The following BMP8B variants were observed in gnomAD, a reference collection of about 807,000 sequenced individuals.
BMP8B encodes the protein bone morphogenetic protein 8b, also known as bone morphogenetic protein 8 (osteogenic protein 2).
A neutral mutation model predicts 30.3 loss-of-function variants in BMP8B; 17 were observed. The ratio of observed to expected loss-of-function variants is 0.56; its 90% CI spans 0.38 to 0.84. The LOEUF (loss-of-function observed/expected upper bound fraction) is 0.84. Ranked by LOEUF, BMP8B falls within the 40% of genes least tolerant of loss-of-function variation. The pLI is 0.00. For synonymous variants in BMP8B, 131 were observed against 214.7 expected, an observed-to-expected ratio of 0.61 and a Z score of 3.41; for missense variants, 253 against 494.6, an observed-to-expected ratio of 0.51 and a Z score of 4.63.
chr1:39,779,085 A>G (rs970700873), intron 1 of BMP8B, among the ~76,000 whole-genome samples: 1 of 152,178 alleles, frequency 6.6e-6, no homozygotes, highest in Non-Finnish European at 1.5e-5. Context: ...CCAGTGTGAA[A>G]TGAGTGGCCC....
At chr1:39,762,535 G>C in intron 6 of BMP8B, 1 of 1,550,264 alleles carries the variant, frequency 6.5e-7, no homozygotes, top group Non-Finnish European at 8.7e-7. Context: ...AGATACCAAG[G>C]CATCAAAAGC....
In BMP8B at chr1:39,760,635, C is replaced by G. The variant is rs562256939; in HGVS notation, c.1060-67G>C. 5 of 1,546,422 alleles carry G rather than the reference C, an allele frequency of 3.2e-6. No individual in the cohort carries two copies. The East Asian group carries it at 9.4e-5, about 29-fold the overall frequency. ...GCCTCCTCCAAGGACCCACCCAGCCCCACCCCAGCTCCACCTGCTCCCTGC... is the reference window on the plus strand; with the variant it reads ...GCCTCCTCCAAGGACCCACCCAGCCGCACCCCAGCTCCACCTGCTCCCTGC... On this transcript the variant is annotated intron_variant, in intron 6 of 6. Coordinates refer to ENST00000372827, the MANE Select transcript of BMP8B (RefSeq NM_001720.5).
chr1:39,760,715 G>C, intron 6 of BMP8B, 147 bp from the exon 7 acceptor site: 2 of 1,166,544 alleles, frequency 1.7e-6, no homozygotes, highest in South Asian at 3.2e-5. Flanking sequence ...CTATTAACAG[G>C]AATAAGAGCA....
chr1:39,763,091 C>G lies in BMP8B; in HGVS notation c.1059+1G>C. 2 of 1,613,706 alleles carry G rather than the reference C, an allele frequency of 1.2e-6. No individual in the cohort carries two copies. Among genetic ancestry groups the G allele is most frequent in the Non-Finnish European group, 1.7e-6 (2 of 1,179,618 alleles). On this transcript the variant is annotated splice_donor_variant, in intron 6 of 6. Transcript: ENST00000372827. LOFTEE classifies it high-confidence loss of function. Reference sequence around the variant, plus strand: ...CTGGGCAGGATGGGCATGGTACTGACCAGGGACTGCAGGATGGCGTGGTTG... The same window carrying G: ...CTGGGCAGGATGGGCATGGTACTGAGCAGGGACTGCAGGATGGCGTGGTTG...
At chr1:39,775,861 G>C (rs1157299345) in intron 1 of BMP8B, among the ~76,000 whole-genome samples, 2 of 152,112 alleles carry the variant, frequency 1.3e-5, no homozygotes, top group Non-Finnish European at 2.9e-5. Flanking sequence ...CTGGGTGATG[G>C]GATCTGAGCA....
chr1:39,788,152 C>T lies in BMP8B; in HGVS notation c.334G>A (p.Val112Met). 6.4e-7 allele frequency: 1 copy of T among 1,569,956 alleles called. No homozygotes were observed. Among genetic ancestry groups the T allele is most frequent in the African/African-American group, 1.4e-5 (1 of 71,886 alleles). Residue 112 changes from valine to methionine, a missense_variant and splice_region_variant, in exon 1 of 7, where the codon GTG becomes ATG. Val to Met is a conservative substitution (Grantham distance 21). Around this residue, in one of 7 missense-constraint regions of BMP8B, gnomAD observed 52 missense variants for 68.3 expected, o/e 0.76. Coordinates refer to ENST00000372827, the MANE Select transcript of BMP8B (RefSeq NM_001720.5). The surrounding 1 kb of genome is among the most constrained non-coding windows in gnomAD (Gnocchi z 5.8). The stretch of plus-strand genomic sequence containing the variant: ...TCCCCGCGCGGGCGGCCGCACTCAC[C>T]CATGTTAACGAAGCTCATGACCAGG... The part of the protein sequence containing the change: ...ADLVMSFVNM[V>M]ERDRALGHQE...
intron 1 of BMP8B, among the ~76,000 whole-genome samples, chr1:39,780,784 T>A (rs912502115): frequency 2.0e-5 from 3 of 152,210 alleles, no homozygotes; most frequent in Admixed American, 6.5e-5. Flanking sequence ...ACTTCCCAGC[T>A]ACTTGGGAGG....
At position 39,786,943 on chromosome 1, in the gene BMP8B, C is replaced by T. The variant is rs1157009423; in HGVS notation, c.334+1209G>A. Among the ~76,000 whole-genome samples, 5 of 152,326 alleles carry T rather than the reference C, an allele frequency of 3.3e-5. No homozygotes were observed. In the South Asian group the frequency reaches 6.2e-4, roughly 19 times the overall value. On this transcript the variant is annotated intron_variant, in intron 1 of 6. Coordinates refer to ENST00000372827, the MANE Select transcript of BMP8B (RefSeq NM_001720.5). Reference sequence around the variant, plus strand: ...GCTGATGGCCCCACAAAACCTGCTGCGGCTCAGTCCCCTGTTTTCCTCAGC... The same window carrying T: ...GCTGATGGCCCCACAAAACCTGCTGTGGCTCAGTCCCCTGTTTTCCTCAGC...
intron 1 of BMP8B, among the ~76,000 whole-genome samples, chr1:39,786,398 C>T (rs1650981614): frequency 6.6e-6 from 1 of 152,196 alleles, no homozygotes; most frequent in Non-Finnish European, 1.5e-5. Flanking sequence ...CTCTACCAAT[C>T]ACACAACAAC....
intron 3 of BMP8B, among the ~76,000 whole-genome samples, chr1:39,769,250 C>T (rs1032525795): frequency 6.6e-6 from 1 of 150,892 alleles, no homozygotes; most frequent in Non-Finnish European, 1.5e-5. Flanking sequence ...AGCATGTCTT[C>T]CAATCACAAA....
chr1:39,766,046 A>C (rs1485764364), intron 3 of BMP8B, among the ~76,000 whole-genome samples: 1 of 151,936 alleles, frequency 6.6e-6, no homozygotes, highest in African/African-American at 2.4e-5. Flanking sequence ...GAAAAAAAAA[A>C]CAAAACACAA....
chr1:39,782,950 T>G (rs1650750362), intron 1 of BMP8B, among the ~76,000 whole-genome samples: 1 of 151,920 alleles, frequency 6.6e-6, no homozygotes, highest in African/African-American at 2.4e-5. Flanking sequence ...CGCGCCACCA[T>G]GCCTGGCTAA....
intron 1 of BMP8B, among the ~76,000 whole-genome samples, chr1:39,778,758 T>A (rs1650410301): frequency 6.6e-6 from 1 of 152,152 alleles, no homozygotes; most frequent in African/African-American, 2.4e-5. Flanking sequence ...ATTCCTCCAG[T>A]GAAATCCCGG....
chr1:39,778,896 G>A (rs1193745420), intron 1 of BMP8B, among the ~76,000 whole-genome samples: 1 of 151,930 alleles, frequency 6.6e-6, no homozygotes, highest in Admixed American at 6.5e-5. Context: ...CCTCAGCCCG[G>A]AAGAGCCCCC....
intron 3 of BMP8B, chr1:39,769,662 G>C (rs764690744): frequency 3.3e-6 from 5 of 1,523,790 alleles, no homozygotes; most frequent in Non-Finnish European, 4.4e-6. Flanking sequence ...GGTGGCACCC[G>C]CCCTGAGGAG....
chr1:39,777,916 C>T (rs1191798203), intron 1 of BMP8B, among the ~76,000 whole-genome samples: 2 of 152,196 alleles, frequency 1.3e-5, no homozygotes, highest in African/African-American at 4.8e-5. Context: ...CCTCTCAGTC[C>T]GACTGAGAAG....
chr1:39,760,627 A>G, intron 6 of BMP8B, 59 bp from the exon 7 acceptor site: 8 of 1,457,960 alleles, frequency 5.5e-6, no homozygotes, highest in Non-Finnish European at 7.3e-6. Context: ...CCAAGGACCC[A>G]CCCAGCCCCA....
intron 1 of BMP8B, among the ~76,000 whole-genome samples, chr1:39,787,141 T>C (rs1651038631): frequency 6.6e-6 from 1 of 152,134 alleles, no homozygotes; most frequent in Admixed American, 6.5e-5. Context: ...ACTGTCCTCA[T>C]CTGGGAGATG....
chr1:39,785,925 C>T (rs969289042), intron 1 of BMP8B, among the ~76,000 whole-genome samples: 3 of 152,222 alleles, frequency 2.0e-5, no homozygotes, highest in South Asian at 2.1e-4. Context: ...CAGCTGGCTG[C>T]GCCCACCCAC....
Sources: gnomAD v4.1 joint callset for allele counts (sites outside exome capture counted in the v4.1 genomes callset) on GRCh38, gnomAD v4.1.1 for gene constraint, gnomAD v4.1.1 regional missense constraint, Gnocchi (gnomAD v3.1) non-coding constraint, MANE v1.5 for transcripts, NCBI Gene and HGNC (gene_info 2026-07-23, HGNC 2026-07-21) for gene names.